Variants in OAF observed in about 807,000 individuals in gnomAD.
OAF encodes the protein out at first homolog.
In OAF, 13 loss-of-function variants were observed where a neutral mutation model predicts 22.5. That is an observed-to-expected ratio of 0.58 (90% CI 0.38 to 0.92). The LOEUF is 0.92. OAF is among the 40% of genes least tolerant of loss of function. OAF has a pLI of 0.00. For missense variants in OAF, 347 were observed against 381.8 expected (o/e 0.91, Z 0.76); for synonymous variants, 175 against 170.5 (o/e 1.03, Z -0.21).
intron 1 of OAF, among the ~76,000 whole-genome samples, chr11:120,220,820 T>C (rs1210781782): frequency 6.6e-6 from 1 of 152,182 alleles, no homozygotes; most frequent in African/African-American, 2.4e-5. Flanking sequence ...CAACAGTTGC[T>C]GTGAGCAGGG....
chr11:120,225,619 C>T, intron 1 of OAF, 42 bp from the exon 2 acceptor site: 1 of 1,531,248 alleles, frequency 6.5e-7, no homozygotes. Flanking sequence ...GTGGGAAGGT[C>T]CCACACCCTC....
At position 120,229,201 on chromosome 11, in the gene OAF, A is replaced by T; in HGVS notation, c.*59A>T. On this transcript the variant is annotated 3_prime_UTR_variant, in exon 4 of 4. Coordinates refer to ENST00000328965, the MANE Select transcript of OAF (RefSeq NM_178507.4). ...CCCACTGCTCTTCACCAGCCACTAG[A>T]GGGGGTGGCAACCCCCACCTGAGGC... The T allele has an allele frequency of 1.3e-6, 2 of 1,521,122 alleles. No homozygotes were observed. Among genetic ancestry groups the T allele is most frequent in the Non-Finnish European group, 1.8e-6 (2 of 1,109,966 alleles). The allele number at this position is 1,521,122 out of a possible 1,614,324, so 94.2% of individuals were successfully genotyped here.
chr11:120,217,815 G>A (rs1160742265), intron 1 of OAF, among the ~76,000 whole-genome samples: 1 of 152,224 alleles, frequency 6.6e-6, no homozygotes, highest in African/African-American at 2.4e-5. Context: ...AGGTGCCAGT[G>A]CCCGCTTGGA....
intron 1 of OAF, among the ~76,000 whole-genome samples, chr11:120,218,914 G>A (rs1938244923): frequency 6.6e-6 from 1 of 152,192 alleles, no homozygotes; most frequent in Non-Finnish European, 1.5e-5. Context: ...GGGTGCCAGA[G>A]GAGACCGGGC....
At chr11:120,226,117 C>G (rs2135097679) in intron 2 of OAF, among the ~76,000 whole-genome samples, 1 of 152,340 alleles carries the variant, frequency 6.6e-6, no homozygotes, top group Non-Finnish European at 1.5e-5. Context: ...AGATTTCTCC[C>G]ATCTGGTTCC....
intron 1 of OAF, among the ~76,000 whole-genome samples, chr11:120,224,008 G>C (rs1449553665): frequency 6.6e-6 from 1 of 152,202 alleles, no homozygotes; most frequent in Non-Finnish European, 1.5e-5. Context: ...GATAGCCCAG[G>C]CTGGCAGGAC....
At chr11:120,212,299 GT>G (rs1007304212) in intron 1 of OAF, among the ~76,000 whole-genome samples, 7 of 152,072 alleles carry the variant, frequency 4.6e-5, no homozygotes, top group Non-Finnish European at 1.0e-4. Flanking sequence ...CCAGATTACG[GT>G]TTGGGAGTTA....
At chr11:120,216,300 G>A (rs1040815873) in intron 1 of OAF, among the ~76,000 whole-genome samples, 1 of 152,206 alleles carries the variant, frequency 6.6e-6, no homozygotes, top group Non-Finnish European at 1.5e-5. Flanking sequence ...AGATATCACA[G>A]CACATAGATG....
chr11:120,220,454 C>G (rs1209980431), intron 1 of OAF, among the ~76,000 whole-genome samples: 2 of 152,150 alleles, frequency 1.3e-5, no homozygotes, highest in African/African-American at 4.8e-5. Flanking sequence ...CTGCTGTGTT[C>G]CAGGGGGCAG....
chr11:120,213,993 G>C (rs555846064), intron 1 of OAF: 1 of 152,316 alleles, frequency 6.6e-6, no homozygotes. Flanking sequence ...AACCACTTGA[G>C]CCCAGGAGCT....
intron 1 of OAF, among the ~76,000 whole-genome samples, chr11:120,222,102 G>A (rs764111391): frequency 1.3e-5 from 2 of 152,226 alleles, no homozygotes; most frequent in Admixed American, 6.5e-5. Flanking sequence ...GTTGGAAGAA[G>A]AGGGGGCCCC....
intron 1 of OAF, among the ~76,000 whole-genome samples, chr11:120,222,367 G>A (rs944748748): frequency 6.6e-6 from 1 of 151,660 alleles, no homozygotes; most frequent in Non-Finnish European, 1.5e-5. Context: ...ATACCAGCCT[G>A]GGCAACCTGG....
At chr11:120,221,747 A>G (rs192222363) in intron 1 of OAF, among the ~76,000 whole-genome samples, 24 of 152,064 alleles carry the variant, frequency 1.6e-4, no homozygotes, top group Non-Finnish European at 2.9e-4. Context: ...AGCAAACACT[A>G]TTTCCCCAGG....
At position 120,211,289 on chromosome 11, in the gene OAF, C is replaced by T. The variant is rs1410847616; in HGVS notation, c.10C>T (p.Pro4Ser). 16 of 1,252,538 alleles carry T rather than the reference C, an allele frequency of 1.3e-5. No individual in the cohort carries two copies. Among genetic ancestry groups the T allele is most frequent in the African/African-American group, 1.6e-5 (1 of 64,096 alleles). 77.6% of individuals were successfully genotyped at this position (1,252,538 alleles called of 1,614,324 possible). The change falls in exon 1 of 4, where the codon CCC becomes TCC. Residue 4 changes from proline to serine, a missense_variant. Transcript: ENST00000328965. ...GCAGCGGCCCCCGGGGATGCGCCTT[C>T]CCGGGGTACCCCTGGCGCGCCCTGC... Reference protein sequence around the residue: MRLPGVPLARPALL... With the variant: MRLSGVPLARPALL...
chr11:120,215,917 T>C (rs1373857986), intron 1 of OAF, among the ~76,000 whole-genome samples: 1 of 151,888 alleles, frequency 6.6e-6, no homozygotes, highest in Non-Finnish European at 1.5e-5. Flanking sequence ...TGGGGGTCCC[T>C]TTCCCCTCCC....
At chr11:120,228,829 T>G in intron 3 of OAF, 39 bp from the exon 4 acceptor site, 1 of 347,948 alleles carries the variant, frequency 2.9e-6, no homozygotes, top group Non-Finnish European at 5.8e-6. Flanking sequence ...CTTCCCTCCC[T>G]CCCTCCCTCC....
chr11:120,217,583 AAAAAG>A (rs914349941), intron 1 of OAF: 6 of 152,134 alleles, frequency 3.9e-5, no homozygotes, highest in African/African-American at 1.4e-4. Context: ...CATCTCAAAA[AAAAAG>A]AAAAGAAAAT....
chr11:120,227,843 C>T (rs1356983374), intron 3 of OAF, among the ~76,000 whole-genome samples: 1 of 152,118 alleles, frequency 6.6e-6, no homozygotes, highest in Non-Finnish European at 1.5e-5. Context: ...TTGCCCCCCA[C>T]ACACATACAC....
intron 1 of OAF, among the ~76,000 whole-genome samples, chr11:120,220,188 A>G (rs1938262589): frequency 6.6e-6 from 1 of 152,116 alleles, no homozygotes; most frequent in Non-Finnish European, 1.5e-5. Context: ...TTCAGCTCCA[A>G]ACCACAGGTC....
Sources: gnomAD v4.1 joint callset for allele counts (sites outside exome capture counted in the v4.1 genomes callset) on GRCh38, gnomAD v4.1.1 for gene constraint, MANE v1.5 for transcripts, NCBI Gene and HGNC (gene_info 2026-07-23, HGNC 2026-07-21) for gene names.